The following RHOBTB1 variants were observed in gnomAD, a reference collection of about 807,000 sequenced individuals.
RHOBTB1 encodes Rho related BTB domain containing 1, also known as rho-related BTB domain-containing protein 1.
In RHOBTB1, 40 loss-of-function variants were observed where a neutral mutation model predicts 71.6. That is an observed-to-expected ratio of 0.56 (90% CI 0.43 to 0.73). The LOEUF (loss-of-function observed/expected upper bound fraction) is 0.73. Among genes scored for constraint, RHOBTB1 ranks in the 30% least tolerant of loss-of-function variants. The pLI is 0.00. For synonymous variants in RHOBTB1, 319 were observed against 334.9 expected (o/e 0.95, Z 0.52); for missense variants, 797 against 894.0 (o/e 0.89, Z 1.38).
intron 2 of RHOBTB1, among the ~76,000 whole-genome samples, chr10:60,925,973 G>A (rs2083857871): frequency 6.6e-6 from 1 of 152,064 alleles, no homozygotes; most frequent in Non-Finnish European, 1.5e-5. Context: ...TCTCACACCC[G>A]TAATCCTAGC....
chr10:60,865,952 C>A (rs571498666), downstream of RHOBTB1, among the ~76,000 whole-genome samples: 121 of 152,288 alleles, frequency 7.9e-4, no homozygotes, highest in Non-Finnish European at 1.1e-3. Flanking sequence ...CTGCCTCAGC[C>A]TCCTGAGTAG....
chr10:60,872,083 T>C, intron 10 of RHOBTB1, 102 bp downstream of exon 10: 1 of 859,292 alleles, frequency 1.2e-6, no homozygotes. Context: ...GAATCATCCA[T>C]GAGCTGCCTG....
At chr10:60,936,794 A>G (rs376186518) in intron 2 of RHOBTB1, among the ~76,000 whole-genome samples, 2 of 152,348 alleles carry the variant, frequency 1.3e-5, no homozygotes, top group South Asian at 4.1e-4. Flanking sequence ...CAGCTCTAAA[A>G]GCAATTAATT....
At position 60,958,908 on chromosome 10, in the gene RHOBTB1, G is replaced by A. The variant is rs182511161; in HGVS notation, c.-61-17054C>T. On this transcript the variant is annotated intron_variant, in intron 2 of 11. Coordinates refer to the RHOBTB1 transcript ENST00000357917. The stretch of plus-strand genomic sequence containing the variant: ...GAGGCACCGCACCTGGCCCAGAGTA[G>A]GATATTTAAATAAAAAGACTTCATT... Among the ~76,000 whole-genome samples, 643 of 152,102 alleles carry A rather than the reference G, an allele frequency of 4.2e-3. 1 individual carries two copies. Among genetic ancestry groups the A allele is most frequent in the Non-Finnish European group, 7.1e-3 (481 of 68,006 alleles).
At chr10:60,864,482 C>T (rs180773544), downstream of RHOBTB1, among the ~76,000 whole-genome samples, 2 of 152,206 alleles carry the variant, frequency 1.3e-5, no homozygotes, top group East Asian at 3.9e-4. Flanking sequence ...TATAAAAGTG[C>T]ATCTTAACAT....
chr10:60,901,825 A>T (rs1228273548), intron 4 of RHOBTB1, among the ~76,000 whole-genome samples: 1 of 152,232 alleles, frequency 6.6e-6, no homozygotes, highest in Non-Finnish European at 1.5e-5. Flanking sequence ...TGAACAATGC[A>T]TATATTCCTT....
At chr10:60,969,020 A>G (rs1037589831) in intron 2 of RHOBTB1, among the ~76,000 whole-genome samples, 1 of 152,146 alleles carries the variant, frequency 6.6e-6, no homozygotes, top group Admixed American at 6.6e-5. Context: ...AATAGAAAGT[A>G]TAAGTATGCT....
At chr10:60,951,161 G>T (rs1376547304) in intron 2 of RHOBTB1, among the ~76,000 whole-genome samples, 1 of 152,164 alleles carries the variant, frequency 6.6e-6, no homozygotes, top group Non-Finnish European at 1.5e-5. Flanking sequence ...TGGATGCAAA[G>T]CTTTTGAAGT....
chr10:60,883,473 GTGCC>G (rs1441501582), intron 7 of RHOBTB1, among the ~76,000 whole-genome samples: 2 of 152,192 alleles, frequency 1.3e-5, no homozygotes, highest in Non-Finnish European at 2.9e-5. Flanking sequence ...GTGTCCCTTT[GTGCC>G]TGCGTTCCTG....
chr10:60,994,395 G>A (rs958362906), intron 1 of RHOBTB1, among the ~76,000 whole-genome samples: 19 of 152,118 alleles, frequency 1.2e-4, no homozygotes, highest in Non-Finnish European at 5.9e-5. Flanking sequence ...ATCTTATCTG[G>A]GCCAAGCACC....
At chr10:60,895,820 T>A (rs2082137780) in intron 4 of RHOBTB1, among the ~76,000 whole-genome samples, 1 of 152,256 alleles carries the variant, frequency 6.6e-6, no homozygotes, top group South Asian at 2.1e-4. Context: ...ATTCTATTCT[T>A]AAGGTCTGCC....
intron 10 of RHOBTB1, 99 bp downstream of exon 10, chr10:60,872,078 ATCCATGAG>A: frequency 1.2e-6 from 1 of 830,658 alleles, no homozygotes; most frequent in Non-Finnish European, 2.1e-6. Context: ...TCGAGGAATC[ATCCATGAG>A]CTGCCTGCTG....
At chr10:60,983,647 T>C (rs1390884304) in intron 2 of RHOBTB1, among the ~76,000 whole-genome samples, 1 of 152,228 alleles carries the variant, frequency 6.6e-6, no homozygotes, top group Admixed American at 6.5e-5. Context: ...GGAATACACC[T>C]AGATGCACTC....
intron 2 of RHOBTB1, among the ~76,000 whole-genome samples, chr10:60,968,251 C>G (rs574957042): frequency 6.6e-6 from 1 of 152,234 alleles, no homozygotes; most frequent in African/African-American, 2.4e-5. Flanking sequence ...TTTAAAACCA[C>G]AGAAAGATGA....
At chr10:60,880,229 G>C (rs575514365) in intron 7 of RHOBTB1, among the ~76,000 whole-genome samples, 24 of 147,132 alleles carry the variant, frequency 1.6e-4, no homozygotes, top group Admixed American at 8.2e-4. Flanking sequence ...GAGAGAGAGA[G>C]AGAGAGAGAG....
intron 7 of RHOBTB1, 142 bp from the exon 8 acceptor site, chr10:60,878,200 CCTTCAGTATTTATGA>C (rs1263211367): frequency 1.1e-5 from 7 of 619,792 alleles, no homozygotes; most frequent in Admixed American, 9.7e-5. Context: ...GCATAGGAAT[CCTTCAGTATTTATGA>C]CTTTAAACAT....
At chr10:60,880,177 C>CTCTGTGTGTGTGTGTGTGTG (rs370670323) in intron 7 of RHOBTB1, among the ~76,000 whole-genome samples, 64 of 100,606 alleles carry the variant, frequency 6.4e-4, no homozygotes, top group East Asian at 2.4e-3. Flanking sequence ...TGAGGGATGA[C>CTCTGTGTGTGTGTGTGTGTG]TGTGTGTGTG....
intron 1 of RHOBTB1, among the ~76,000 whole-genome samples, chr10:60,986,661 A>G (rs961709573): frequency 3.3e-5 from 5 of 151,974 alleles, no homozygotes; most frequent in Non-Finnish European, 7.4e-5. Flanking sequence ...AAAACCTGAA[A>G]TAGAGGCATT....
chr10:60,861,989 G>A, the RHOBTB1 span, among the ~76,000 whole-genome samples: 5 of 152,146 alleles, frequency 3.3e-5, no homozygotes, highest in Non-Finnish European at 5.9e-5. Context: ...AGCTGGAGAA[G>A]ATCTTTGTTA....
Sources: gnomAD v4.1 joint callset for allele counts (sites outside exome capture counted in the v4.1 genomes callset) on GRCh38, gnomAD v4.1.1 for gene constraint, MANE v1.5 for transcripts, NCBI Gene and HGNC (gene_info 2026-07-23, HGNC 2026-07-21) for gene names.